Variants in XKR6 observed in about 807,000 individuals in gnomAD.
XKR6 encodes XK related 6, also known as XK-related protein 6.
A neutral mutation model predicts 56.7 loss-of-function variants in XKR6; 22 were observed. That is an observed-to-expected ratio of 0.39 (90% CI 0.28 to 0.55). The LOEUF (loss-of-function observed/expected upper bound fraction) is 0.55, where lower values mean the gene tolerates loss of function less well. Ranked by LOEUF, XKR6 falls within the 20% of genes least tolerant of loss-of-function variation. The pLI, the probability that XKR6 is intolerant of heterozygous loss-of-function variation, is 0.66. For missense variants in XKR6, 852 were observed against 889.0 expected (o/e 0.96, Z 0.53); for synonymous variants, 524 against 387.8 (o/e 1.35, Z -4.13).
At chr8:11,133,298 C>G (rs759791040) in intron 1 of XKR6, among the ~76,000 whole-genome samples, 2 of 152,066 alleles carry the variant, frequency 1.3e-5, no homozygotes, top group African/African-American at 4.8e-5. Context: ...CACATCAGGC[C>G]CTCCTTTGTG....
intron 1 of XKR6, among the ~76,000 whole-genome samples, chr8:11,037,950 C>T (rs376911039): frequency 6.6e-6 from 1 of 151,774 alleles, no homozygotes; most frequent in Non-Finnish European, 1.5e-5. Context: ...TTGCTTGAAC[C>T]CAGGAGGCAG....
chr8:11,082,404 T>C (rs1797755067), intron 1 of XKR6, among the ~76,000 whole-genome samples: 1 of 152,194 alleles, frequency 6.6e-6, no homozygotes, highest in African/African-American at 2.4e-5. Flanking sequence ...GCTGAGATAA[T>C]ATCTCTATTC....
intron 1 of XKR6, among the ~76,000 whole-genome samples, chr8:11,135,134 G>A (rs750998432): frequency 2.3e-4 from 35 of 150,966 alleles, no homozygotes; most frequent in African/African-American, 7.6e-4. Context: ...CCGGGTTCAC[G>A]CCATTCTGCC....
At chr8:11,068,873 G>A (rs1331940672) in intron 1 of XKR6, among the ~76,000 whole-genome samples, 2 of 152,116 alleles carry the variant, frequency 1.3e-5, no homozygotes, top group African/African-American at 4.8e-5. Context: ...CTTCAGAAAG[G>A]CACCCGTCAG....
rs1801833711 is a variant in XKR6 at position 10,954,879 on chromosome 8, T to C, written c.765-30049A>G. Among the ~76,000 whole-genome samples the C allele has an allele frequency of 3.4e-5, 5 of 147,094 alleles. 1 individual carries two copies. The South Asian group carries it at 1.1e-3, about 32-fold the overall frequency. ...TAACTTCATTCTCTTTTTTTTTTTT[T>C]TTTTTTTAGACAGAGTTTCACTCTT... On this transcript the variant is annotated intron_variant, in intron 1 of 2. Coordinates refer to ENST00000416569, the MANE Select transcript of XKR6 (RefSeq NM_173683.4).
intron 2 of XKR6, among the ~76,000 whole-genome samples, chr8:10,909,180 AT>A (rs1800276273): frequency 6.7e-6 from 1 of 148,554 alleles, no homozygotes; most frequent in African/African-American, 2.5e-5. Context: ...AAAAAAAAAA[AT>A]AGTTTGGCCT....
intron 1 of XKR6, among the ~76,000 whole-genome samples, chr8:11,023,506 C>T (rs758260033): frequency 2.6e-5 from 4 of 152,230 alleles, no homozygotes; most frequent in Non-Finnish European, 5.9e-5. Flanking sequence ...TCAAGGGATC[C>T]TCCTTCCTCA....
At chr8:11,143,007 T>C (rs961373631) in intron 1 of XKR6, among the ~76,000 whole-genome samples, 12 of 152,210 alleles carry the variant, frequency 7.9e-5, no homozygotes, top group African/African-American at 2.7e-4. Flanking sequence ...AAGAATCAAA[T>C]ATTCATCTTG....
Position 10,943,209 on chromosome 8 carries a change from G to C in XKR6, c.765-18379C>G, listed in dbSNP as rs1298460614. The stretch of plus-strand genomic sequence containing the variant: ...CCTTCCATACCATTCGCAGATCTCA[G>C]GAGCATCACTGTCTGAGTTGTCACA... On this transcript the variant is annotated intron_variant, in intron 1 of 2. Coordinates refer to ENST00000416569, the MANE Select transcript of XKR6 (RefSeq NM_173683.4). Among the ~76,000 whole-genome samples the C allele has an allele frequency of 2.0e-5, 3 of 152,222 alleles. No homozygotes were observed. The East Asian group carries it at 5.8e-4, about 29-fold the overall frequency.
chr8:10,915,808 T>C (rs934391836), intron 2 of XKR6, among the ~76,000 whole-genome samples: 2 of 152,258 alleles, frequency 1.3e-5, no homozygotes, highest in Non-Finnish European at 1.5e-5. Flanking sequence ...CCTGGGGAAG[T>C]AGGAGAGACC....
intron 1 of XKR6, among the ~76,000 whole-genome samples, chr8:11,135,015 A>C (rs1243743019): frequency 1.3e-5 from 2 of 150,992 alleles, no homozygotes; most frequent in African/African-American, 4.9e-5. Context: ...AATGTCAAAA[A>C]TGCATAGAAA....
intron 1 of XKR6, among the ~76,000 whole-genome samples, chr8:11,007,639 AG>A (rs1263504304): frequency 1.3e-5 from 2 of 152,188 alleles, no homozygotes; most frequent in Non-Finnish European, 2.9e-5. Flanking sequence ...CTCAAAACAA[AG>A]CACACTCGGT....
At chr8:11,160,992 G>T (rs1456340840) in intron 1 of XKR6, among the ~76,000 whole-genome samples, 1 of 151,806 alleles carries the variant, frequency 6.6e-6, no homozygotes, top group African/African-American at 2.4e-5. Context: ...TCAGGGTGTG[G>T]CTCCTGTACT....
At chr8:11,050,817 T>G (rs1435423482) in intron 1 of XKR6, among the ~76,000 whole-genome samples, 2 of 151,994 alleles carry the variant, frequency 1.3e-5, no homozygotes, top group African/African-American at 4.8e-5. Context: ...TTGGCCCCAT[T>G]CCTCAACACC....
chr8:11,086,148 A>ATATATATATATATATATATATATT (rs71203369), intron 1 of XKR6, among the ~76,000 whole-genome samples: 6 of 120,740 alleles, frequency 5.0e-5, no homozygotes, highest in African/African-American at 2.3e-4. Flanking sequence ...ATATATATAT[A>ATATATATATATATATATATATATT]TTTTTTTTTA....
chr8:10,903,405 A>G (rs760269247), intron 2 of XKR6, among the ~76,000 whole-genome samples: 2 of 152,016 alleles, frequency 1.3e-5, no homozygotes, highest in East Asian at 1.9e-4. Context: ...ACCCTCCCCA[A>G]CTGTGCACCT....
chr8:11,050,574 A>T (rs1330491775), intron 1 of XKR6, among the ~76,000 whole-genome samples: 3 of 56,224 alleles, frequency 5.3e-5, no homozygotes, highest in Non-Finnish European at 1.2e-4. Context: ...TTTTATTTAA[A>T]AAAAAAAAAA....
At chr8:11,152,563 A>G (rs932646455) in intron 1 of XKR6, among the ~76,000 whole-genome samples, 2 of 152,232 alleles carry the variant, frequency 1.3e-5, no homozygotes, top group African/African-American at 4.8e-5. Flanking sequence ...TTGCCCCTGA[A>G]GAACTTTCCC....
At chr8:11,003,043 C>G (rs907713893) in intron 1 of XKR6, among the ~76,000 whole-genome samples, 7 of 152,094 alleles carry the variant, frequency 4.6e-5, no homozygotes, top group Non-Finnish European at 8.8e-5. Flanking sequence ...GTCAGGGACA[C>G]TCCCTGCTTC....
Sources: gnomAD v4.1 joint callset for allele counts (sites outside exome capture counted in the v4.1 genomes callset) on GRCh38, gnomAD v4.1.1 for gene constraint, MANE v1.5 for transcripts, NCBI Gene and HGNC (gene_info 2026-07-23, HGNC 2026-07-21) for gene names.